LARGE1: variants seen among roughly 807,000 people sequenced by gnomAD.
The protein encoded by LARGE1 is LARGE xylosyl- and glucuronyltransferase 1, also known as xylosyl- and glucuronyltransferase LARGE1.
In LARGE1, 43 loss-of-function variants were observed where a neutral mutation model predicts 87.6. The observed-to-expected ratio is 0.49, with a 90% CI of 0.38 to 0.63. The LOEUF is 0.63. Ranked by LOEUF, LARGE1 falls within the 30% of genes least tolerant of loss-of-function variation. The probability of loss-of-function intolerance (pLI) is 0.00; values close to 1 mark genes in which losing one functional copy is unlikely to be tolerated. For missense variants in LARGE1, 802 were observed against 1,000.2 expected (o/e 0.80, Z 2.67); for synonymous variants, 434 against 394.6 (o/e 1.10, Z -1.18).
chr22:33,138,084 C>T, the LARGE1 span, among the ~76,000 whole-genome samples: 13 of 152,168 alleles, frequency 8.5e-5, no homozygotes, highest in African/African-American at 3.1e-4. Context: ...CACAGACACT[C>T]AGTGCCAGCC....
At chr22:33,262,367 T>C (rs1385379226) in intron 11 of LARGE1, among the ~76,000 whole-genome samples, 3 of 152,210 alleles carry the variant, frequency 2.0e-5, no homozygotes, top group African/African-American at 7.2e-5. Flanking sequence ...TTCCTTTCTG[T>C]TGAAAGCCCC....
chr22:33,175,396 T>A (rs1181536275), intron 11 of LARGE1, among the ~76,000 whole-genome samples: 1 of 152,116 alleles, frequency 6.6e-6, no homozygotes, highest in Non-Finnish European at 1.5e-5. Context: ...GATTATATAC[T>A]TAGAAAACCC....
chr22:33,104,198 C>A, the LARGE1 span, among the ~76,000 whole-genome samples: 1 of 152,196 alleles, frequency 6.6e-6, no homozygotes. Context: ...GTTGCTGGAC[C>A]TCTGACCTAC....
chr22:33,814,671 A>G (rs190134504), intron 1 of LARGE1, among the ~76,000 whole-genome samples: 4 of 152,146 alleles, frequency 2.6e-5, no homozygotes, highest in Admixed American at 2.6e-4. Flanking sequence ...CCTACCCACA[A>G]CTTTGGACTT....
chr22:33,544,828 T>A (rs538235418), intron 6 of LARGE1, among the ~76,000 whole-genome samples: 9 of 152,280 alleles, frequency 5.9e-5, no homozygotes, highest in Admixed American at 5.2e-4. Context: ...GCCAGGGAGA[T>A]GTCTGTGGTC....
At chr22:33,208,611 T>A (rs182363381) in intron 11 of LARGE1, among the ~76,000 whole-genome samples, 11 of 152,122 alleles carry the variant, frequency 7.2e-5, no homozygotes, top group African/African-American at 2.7e-4. Flanking sequence ...CTGGGGTACA[T>A]GTGCAGAATG....
chr22:33,398,489 G>A (rs915318135), intron 7 of LARGE1, among the ~76,000 whole-genome samples: 5 of 152,124 alleles, frequency 3.3e-5, no homozygotes, highest in African/African-American at 9.7e-5. Flanking sequence ...CTCACTTGCC[G>A]AACTAGAGTG....
At chr22:33,653,447 G>A (rs1251029578) in intron 2 of LARGE1, among the ~76,000 whole-genome samples, 2 of 152,166 alleles carry the variant, frequency 1.3e-5, no homozygotes, top group Non-Finnish European at 2.9e-5. Flanking sequence ...GGATTTTGGA[G>A]CATTTGGGCA....
intron 6 of LARGE1, among the ~76,000 whole-genome samples, chr22:33,534,678 G>C (rs756765402): frequency 1.3e-5 from 2 of 152,214 alleles, no homozygotes; most frequent in East Asian, 3.9e-4. Flanking sequence ...CCAGGCCTCC[G>C]AGGCGGGGCT....
Position 33,326,665 on chromosome 22 carries a change from T to C in LARGE1, c.1288-10417A>G, listed in dbSNP as rs187016516. 5.7e-3 allele frequency among the ~76,000 whole-genome samples: 873 copies of C among 152,194 alleles called. 10 individuals carry two copies. The highest frequency in any genetic ancestry group is 0.01 in the Middle Eastern group (3 of 294). The stretch of plus-strand genomic sequence containing the variant: ...ATTCCAGAGCTGCCTTCTTATCTAC[T>C]GCACAAGTAAGAGATGCCACTTGAG... On this transcript the variant is annotated intron_variant, in intron 10 of 14. Transcript: ENST00000397394.
intron 11 of LARGE1, among the ~76,000 whole-genome samples, chr22:33,180,215 T>C (rs983678074): frequency 1.3e-5 from 2 of 152,128 alleles, no homozygotes; most frequent in Non-Finnish European, 2.9e-5. Flanking sequence ...AGAAATGGAC[T>C]AAGACACTCC....
intron 2 of LARGE1, among the ~76,000 whole-genome samples, chr22:33,752,417 C>G (rs2084352903): frequency 6.6e-6 from 1 of 152,126 alleles, no homozygotes; most frequent in South Asian, 2.1e-4. Flanking sequence ...ATAAAATTGA[C>G]TTAAAACCAG....
chr22:33,276,801 G>A (rs1555887263), intron 14 of LARGE1, among the ~76,000 whole-genome samples: 1 of 152,186 alleles, frequency 6.6e-6, no homozygotes, highest in African/African-American at 2.4e-5. Context: ...GGTTGGGTGA[G>A]GATGAGAAGA....
intron 6 of LARGE1, among the ~76,000 whole-genome samples, chr22:33,463,321 G>A (rs550048645): frequency 6.6e-6 from 1 of 152,042 alleles, no homozygotes; most frequent in East Asian, 1.9e-4. Flanking sequence ...TGATGAATTT[G>A]TATTCAAAAT....
chr22:33,765,784 A>C (rs1356341501), intron 1 of LARGE1, among the ~76,000 whole-genome samples: 1 of 151,776 alleles, frequency 6.6e-6, no homozygotes, highest in Non-Finnish European at 1.5e-5. Context: ...AACTGAACTC[A>C]TTTGGCATTA....
intron 5 of LARGE1, among the ~76,000 whole-genome samples, chr22:33,592,599 T>C (rs1295124287): frequency 1.3e-5 from 2 of 152,222 alleles, no homozygotes; most frequent in Non-Finnish European, 2.9e-5. Flanking sequence ...TTTGCGTATG[T>C]TCTGAAGACA....
At chr22:33,719,544 A>G (rs1045335565) in intron 2 of LARGE1, among the ~76,000 whole-genome samples, 1 of 145,270 alleles carries the variant, frequency 6.9e-6, no homozygotes, top group African/African-American at 2.6e-5. Context: ...TTTTTGAGAC[A>G]GAGTCTCACT....
rs1445201202 is a variant in LARGE1, at chr22:33,329,637, G to A, written c.1287+8009C>T. Among the ~76,000 whole-genome samples, 13 of 152,020 alleles carry A rather than the reference G, an allele frequency of 8.6e-5. 1 individual carries two copies. Among genetic ancestry groups the A allele is most frequent in the Non-Finnish European group, 1.8e-4 (12 of 68,010 alleles). On this transcript the variant is annotated intron_variant, in intron 10 of 14. Coordinates refer to ENST00000397394, the MANE Select transcript of LARGE1 (RefSeq NM_133642.5). ...TGGACAACCCCCTCCACCTCCTCCA[G>A]CCTTTTCAATGTAACCACAGTCATC... is the stretch of plus-strand genomic sequence containing the variant.
At chr22:33,123,353 T>C in the LARGE1 span, among the ~76,000 whole-genome samples, 2 of 142,690 alleles carry the variant, frequency 1.4e-5, no homozygotes, top group Non-Finnish European at 1.5e-5. Context: ...TTCGACTCAG[T>C]GTTGCCATGG....
Sources: gnomAD v4.1 joint callset for allele counts (sites outside exome capture counted in the v4.1 genomes callset) on GRCh38, gnomAD v4.1.1 for gene constraint, MANE v1.5 for transcripts, NCBI Gene and HGNC (gene_info 2026-07-23, HGNC 2026-07-21) for gene names.